Variants in SOCS2 observed in about 807,000 individuals in gnomAD.
SOCS2 encodes the protein CIS-2.
In SOCS2, 10 loss-of-function variants were observed where a neutral mutation model predicts 18.6. The ratio of observed to expected loss-of-function variants is 0.54; its 90% CI spans 0.33 to 0.91. The LOEUF (loss-of-function observed/expected upper bound fraction) is 0.91. Among genes scored for constraint, SOCS2 ranks in the 40% least tolerant of loss-of-function variants. SOCS2 has a pLI of 0.02. For synonymous variants in SOCS2, 104 were observed against 104.0 expected (o/e 1.00, Z 0.00); for missense variants, 231 against 247.2 (o/e 0.93, Z 0.44).
chr12:93,614,571 CT>C, the SOCS2 span, among the ~76,000 whole-genome samples: 7 of 72,208 alleles, frequency 9.7e-5, no homozygotes, highest in African/African-American at 5.2e-4. Flanking sequence ...TTCTTTCTTT[CT>C]TTCTTTCTTT....
chr12:93,617,313 A>G, the SOCS2 span, among the ~76,000 whole-genome samples: 1 of 152,118 alleles, frequency 6.6e-6, no homozygotes, highest in Non-Finnish European at 1.5e-5. Flanking sequence ...ATAAATTTCA[A>G]CAACCAGCTA....
chr12:93,593,421 A>G, the SOCS2 span, among the ~76,000 whole-genome samples: 1 of 152,208 alleles, frequency 6.6e-6, no homozygotes, highest in Non-Finnish European at 1.5e-5. Flanking sequence ...AAGCAACTTG[A>G]CCTTGATTTA....
At chr12:93,593,907 C>T in the SOCS2 span, among the ~76,000 whole-genome samples, 24 of 152,160 alleles carry the variant, frequency 1.6e-4, no homozygotes, top group African/African-American at 5.3e-4. Context: ...AGGCATCTGC[C>T]TTAAAATAAA....
At chr12:93,597,624 C>T in the SOCS2 span, among the ~76,000 whole-genome samples, 1 of 152,074 alleles carries the variant, frequency 6.6e-6, no homozygotes, top group Non-Finnish European at 1.5e-5. Context: ...ACTCAAATCT[C>T]GCTTTTAAAA....
chr12:93,602,597 A>T, the SOCS2 span, among the ~76,000 whole-genome samples: 2 of 152,086 alleles, frequency 1.3e-5, no homozygotes, highest in Non-Finnish European at 2.9e-5. Context: ...AGACTTTGGG[A>T]GATATTATTT....
downstream of SOCS2, among the ~76,000 whole-genome samples, chr12:93,580,757 A>G (rs992729510): frequency 6.6e-6 from 1 of 151,948 alleles, no homozygotes; most frequent in Non-Finnish European, 1.5e-5. Flanking sequence ...GGTTTCCAGC[A>G]TAGCTTGTTT....
At chr12:93,589,780 G>T in the SOCS2 span, among the ~76,000 whole-genome samples, 1 of 152,172 alleles carries the variant, frequency 6.6e-6, no homozygotes, top group Non-Finnish European at 1.5e-5. Flanking sequence ...ACTTTTTCCA[G>T]GAGAAACACA....
At chr12:93,578,742 G>A (rs1592835245), downstream of SOCS2, among the ~76,000 whole-genome samples, 1 of 151,740 alleles carries the variant, frequency 6.6e-6, no homozygotes, top group Admixed American at 6.6e-5. Context: ...CAATGACAGA[G>A]TCAGGATTCA....
chr12:93,621,249 C>T, the SOCS2 span, among the ~76,000 whole-genome samples: 90 of 152,304 alleles, frequency 5.9e-4, no homozygotes, highest in African/African-American at 1.9e-3. Context: ...ACCAAACTGT[C>T]TTTCTTTAGC....
downstream of SOCS2, among the ~76,000 whole-genome samples, chr12:93,579,944 ACTT>A (rs139940011): frequency 6.4e-3 from 977 of 152,298 alleles, 15 homozygotes; most frequent in African/African-American, 0.022. Context: ...CACATCCTTA[ACTT>A]ATAGGCATTC....
At chr12:93,600,521 G>A in the SOCS2 span, among the ~76,000 whole-genome samples, 7 of 152,000 alleles carry the variant, frequency 4.6e-5, no homozygotes, top group Admixed American at 2.6e-4. Context: ...ATGGGAAAAT[G>A]TATAGATTTT....
the SOCS2 span, among the ~76,000 whole-genome samples, chr12:93,613,154 T>G: frequency 1.3e-5 from 2 of 152,230 alleles, no homozygotes; most frequent in Admixed American, 6.5e-5. Context: ...AAGGCTCTGC[T>G]CATTGCATGG....
At chr12:93,581,623 C>CT (rs1045515025), downstream of SOCS2, among the ~76,000 whole-genome samples, 2 of 152,070 alleles carry the variant, frequency 1.3e-5, no homozygotes, top group Admixed American at 6.5e-5. Flanking sequence ...ATCAGGGCCT[C>CT]TTTTTTCCTT....
chr12:93,625,475 C>T, the SOCS2 span, among the ~76,000 whole-genome samples: 3 of 152,068 alleles, frequency 2.0e-5, no homozygotes, highest in Non-Finnish European at 2.9e-5. Flanking sequence ...GGGCCGGGCG[C>T]GGTGGCTCAC....
chr12:93,587,023 C>G (rs550938818), downstream of SOCS2, among the ~76,000 whole-genome samples: 1 of 152,290 alleles, frequency 6.6e-6, no homozygotes, highest in Admixed American at 6.5e-5. Context: ...CAAAAATTCG[C>G]CAGGTGTGAT....
chr12:93,580,145 A>T (rs1954518728), downstream of SOCS2, among the ~76,000 whole-genome samples: 1 of 152,216 alleles, frequency 6.6e-6, no homozygotes. Context: ...CTTTTTCGCC[A>T]GTTAAACCAT....
chr12:93,582,596 C>T (rs897797736), intron 1 of SOCS2, among the ~76,000 whole-genome samples: 2 of 152,158 alleles, frequency 1.3e-5, no homozygotes, highest in Non-Finnish European at 2.9e-5. Context: ...ACAGATTGCA[C>T]GCTTCCCTTT....
chr12:93,601,402 G>A, the SOCS2 span, among the ~76,000 whole-genome samples: 2 of 151,984 alleles, frequency 1.3e-5, no homozygotes, highest in Non-Finnish European at 2.9e-5. Context: ...AGCCTCCCAA[G>A]TAGCTGGGAT....
the SOCS2 span, among the ~76,000 whole-genome samples, chr12:93,622,382 C>T: frequency 6.6e-6 from 1 of 152,138 alleles, no homozygotes; most frequent in African/African-American, 2.4e-5. Flanking sequence ...AAAGTGTTGT[C>T]GGAGACTCTT....
Sources: allele counts gnomAD v4.1 joint callset (sites outside exome capture counted in the v4.1 genomes callset), GRCh38; gene constraint gnomAD v4.1.1; transcripts MANE v1.5; gene names NCBI Gene and HGNC (gene_info 2026-07-23, HGNC 2026-07-21).